The following HECW1 variants were observed in gnomAD, a reference collection of about 807,000 sequenced individuals.
The protein encoded by HECW1 is E3 ubiquitin-protein ligase HECW1.
A neutral mutation model predicts 182.3 loss-of-function variants in HECW1; 61 were observed. The ratio of observed to expected loss-of-function variants is 0.33; its 90% CI spans 0.27 to 0.41. The LOEUF is 0.41. Among genes scored for constraint, HECW1 ranks in the 10% least tolerant of loss-of-function variants. The pLI, the probability that HECW1 is intolerant of heterozygous loss-of-function variation, is 1.00. For missense variants in HECW1, 1,739 were observed against 2,108.9 expected (o/e 0.82, Z 3.44); for synonymous variants, 859 against 832.6 (o/e 1.03, Z -0.55).
intron 5 of HECW1, among the ~76,000 whole-genome samples, chr7:43,351,242 A>G (rs1814399894): frequency 6.6e-6 from 1 of 152,168 alleles, no homozygotes; most frequent in Non-Finnish European, 1.5e-5. Context: ...TCAGCCATGA[A>G]TACCAGTGCC....
At chr7:43,469,162 G>A in intron 16 of HECW1, 57 bp downstream of exon 16, 2 of 1,545,628 alleles carry the variant, frequency 1.3e-6, no homozygotes, top group South Asian at 1.2e-5. Context: ...CCAGGGTGAA[G>A]CTAGCAAGGG....
intron 3 of HECW1, among the ~76,000 whole-genome samples, chr7:43,301,588 A>G (rs1806785444): frequency 6.6e-6 from 1 of 152,198 alleles, no homozygotes; most frequent in Non-Finnish European, 1.5e-5. Flanking sequence ...TAAAGGAAGG[A>G]AGAAGAAGCC....
chr7:43,444,329 A>C lies in HECW1; in HGVS notation c.1157A>C (p.Glu386Ala). 2 of 1,614,176 alleles carry C rather than the reference A, an allele frequency of 1.2e-6. No individual in the cohort carries two copies. Among genetic ancestry groups the C allele is most frequent in the South Asian group, 1.1e-5 (1 of 91,084 alleles). ...GGGGAACCTCGGTCTGAGGCACCAG[A>C]GTCCTCTGAGAGCTGGAAGCCAGAG... ...GSGEPRSEAP[E>A]SSESWKPEQL... The change falls in exon 11 of 30, where the codon GAG becomes GCG. Residue 386 changes from glutamate to alanine, a missense_variant. This residue lies in a region of HECW1 where 971 missense variants were observed against 1,029.1 expected (regional missense o/e 0.94). Transcript: ENST00000395891. This position sits in a 1 kb window ranked among gnomAD's most constrained non-coding sequence, Gnocchi z 4.3.
chr7:43,242,270 G>T (rs1371486555), intron 2 of HECW1, among the ~76,000 whole-genome samples: 1 of 152,144 alleles, frequency 6.6e-6, no homozygotes, highest in African/African-American at 2.4e-5. Flanking sequence ...CGAGGAGGCC[G>T]GTTAGGCTCC....
intron 7 of HECW1, among the ~76,000 whole-genome samples, chr7:43,407,238 A>G (rs2075641682): frequency 6.6e-6 from 1 of 151,616 alleles, no homozygotes; most frequent in African/African-American, 2.4e-5. Context: ...CTTTCTCTTT[A>G]TTTCTGCCAA....
At chr7:43,329,630 G>C (rs1562844003) in intron 5 of HECW1, among the ~76,000 whole-genome samples, 1 of 152,162 alleles carries the variant, frequency 6.6e-6, no homozygotes, top group Non-Finnish European at 1.5e-5. Context: ...GGGTCAGAAA[G>C]GGGGCGAGTT....
chr7:43,273,693 G>T (rs924841972), intron 3 of HECW1, among the ~76,000 whole-genome samples: 2 of 151,948 alleles, frequency 1.3e-5, no homozygotes, highest in Admixed American at 1.3e-4. Flanking sequence ...CAATGGAAAA[G>T]AAATCAGGAT....
chr7:43,233,795 C>G (rs1409856017), intron 2 of HECW1, among the ~76,000 whole-genome samples: 1 of 152,178 alleles, frequency 6.6e-6, no homozygotes, highest in African/African-American at 2.4e-5. Context: ...TCCTCTCTTC[C>G]TGTGTTTATT....
chr7:43,492,392 G>A lies in HECW1; in HGVS notation c.3340+212G>A, dbSNP rs10256331. On this transcript the variant is annotated intron_variant, in intron 18 of 29. Coordinates refer to ENST00000395891, the MANE Select transcript of HECW1 (RefSeq NM_015052.5). ...CCTCTCCCTTCCTCCTCACCTATCT[G>A]TTCCCCTCCCTGTCTTTTCTGTTCT... 2.9e-3 allele frequency among the ~76,000 whole-genome samples: 434 copies of A among 151,644 alleles called. 6 individuals carry two copies. The East Asian group carries it at 0.035, about 12-fold the overall frequency.
At position 43,311,879 on chromosome 7, in the gene HECW1, C is replaced by CT; in HGVS notation, c.144_145insT (p.His49SerfsTer23). 1 of 1,614,270 alleles carries CT rather than the reference C, an allele frequency of 6.2e-7. No individual in the cohort carries two copies. Reference sequence around the variant, plus strand: ...GATACAGCTACAACCCCGACCAGTTCCACAACATGGACCTCAGGGGCGGCC... The same window carrying CT: ...GATACAGCTACAACCCCGACCAGTTCTCACAACATGGACCTCAGGGGCGGCC... On this transcript the variant is annotated frameshift_variant, in exon 4 of 30. Coordinates refer to ENST00000395891, the MANE Select transcript of HECW1 (RefSeq NM_015052.5). LOFTEE classifies it high-confidence loss of function.
intron 24 of HECW1, among the ~76,000 whole-genome samples, chr7:43,532,055 A>G (rs1443650452): frequency 6.6e-6 from 1 of 152,210 alleles, no homozygotes; most frequent in African/African-American, 2.4e-5. Flanking sequence ...ATAAATAGGC[A>G]GCACAAACGT....
At chr7:43,355,528 A>T (rs62458233) in intron 5 of HECW1, among the ~76,000 whole-genome samples, 19,363 of 152,154 alleles carry the variant, frequency 0.13, 1,359 homozygotes, top group South Asian at 0.27. Context: ...TCATCTCCTT[A>T]AAATAACTTG....
At chr7:43,207,254 C>T (rs1358450497) in intron 2 of HECW1, among the ~76,000 whole-genome samples, 1 of 152,082 alleles carries the variant, frequency 6.6e-6, no homozygotes, top group Non-Finnish European at 1.5e-5. Context: ...ACCATGTTGG[C>T]CAGGCTGGTC....
chr7:43,261,373 T>C (rs1390425593), intron 3 of HECW1, among the ~76,000 whole-genome samples: 1 of 152,228 alleles, frequency 6.6e-6, no homozygotes, highest in Non-Finnish European at 1.5e-5. Context: ...CAGAACCTTT[T>C]TCCTGAGGAG....
chr7:43,538,206 G>C (rs893012166), intron 24 of HECW1, among the ~76,000 whole-genome samples: 2 of 152,198 alleles, frequency 1.3e-5, no homozygotes, highest in Non-Finnish European at 2.9e-5. Context: ...ACCACAGGAG[G>C]TGTTGGCAGT....
chr7:43,406,718 A>T (rs1378731989), intron 7 of HECW1, among the ~76,000 whole-genome samples: 2 of 152,076 alleles, frequency 1.3e-5, no homozygotes, highest in Non-Finnish European at 2.9e-5. Context: ...AGGAGTTCAA[A>T]ACCAGCCTAG....
intron 16 of HECW1, among the ~76,000 whole-genome samples, chr7:43,478,649 A>G (rs1311036902): frequency 6.6e-6 from 1 of 152,106 alleles, no homozygotes; most frequent in East Asian, 1.9e-4. Context: ...ATATGTATAT[A>G]TTTGAATGTA....
At chr7:43,360,865 C>T (rs926464487) in intron 5 of HECW1, 21 bp from the exon 6 acceptor site, 15 of 1,590,680 alleles carry the variant, frequency 9.4e-6, no homozygotes, top group Non-Finnish European at 1.2e-5. Context: ...TTCTCAGTCT[C>T]ATTTTTTGTT....
At chr7:43,430,893 T>G (rs1305046002) in intron 8 of HECW1, among the ~76,000 whole-genome samples, 6 of 150,620 alleles carry the variant, frequency 4.0e-5, no homozygotes, top group Admixed American at 4.0e-4. Flanking sequence ...GCAATTCTCC[T>G]GCCTCAGCCT....
Sources: allele counts gnomAD v4.1 joint callset (sites outside exome capture counted in the v4.1 genomes callset), GRCh38; gene constraint gnomAD v4.1.1; regional missense constraint gnomAD v4.1.1; non-coding constraint Gnocchi (gnomAD v3.1); transcripts MANE v1.5; gene names NCBI Gene and HGNC (gene_info 2026-07-23, HGNC 2026-07-21).